Variants in APOBEC3H observed in about 807,000 individuals in gnomAD.
The protein encoded by APOBEC3H is apolipoprotein B mRNA editing enzyme catalytic subunit 3H.
Under a neutral mutation model 21.2 loss-of-function variants are expected in APOBEC3H, and 8 were observed. The ratio of observed to expected loss-of-function variants is 0.38; its 90% confidence interval spans 0.22 to 0.68. The LOEUF (loss-of-function observed/expected upper bound fraction) is 0.68. APOBEC3H is among the 30% of genes least tolerant of loss of function. APOBEC3H has a pLI of 0.52. For synonymous variants in APOBEC3H, 88 were observed against 91.0 expected (o/e 0.97, Z 0.19); for missense variants, 229 against 228.1 (o/e 1.00, Z -0.03).
rs187528570 is a variant in APOBEC3H, at chr22:39,098,965, G to A, written c.-7-1307G>A. Among the ~76,000 whole-genome samples, 195 of 152,242 alleles carry A rather than the reference G, an allele frequency of 1.3e-3. 1 individual carries two copies. Among genetic ancestry groups the A allele is most frequent in the Non-Finnish European group, 2.4e-3 (163 of 68,024 alleles). On this transcript the variant is annotated intron_variant, in intron 1 of 4. Coordinates refer to ENST00000442487, the MANE Select transcript of APOBEC3H (RefSeq NM_181773.5). ...TCCCAGCACTTTGGGAGGCCGAGGT[G>A]GGTGGATCACCTGAGGTCAAAGGAG...
chr22:39,101,809 C>T, intron 3 of APOBEC3H, 109 bp from the exon 4 acceptor site: 4 of 1,547,986 alleles, frequency 2.6e-6, no homozygotes, highest in Non-Finnish European at 1.8e-6. Context: ...ATTCCCCAGA[C>T]AGAGCAATGT....
At chr22:39,102,218 G>A (rs554784446) in intron 4 of APOBEC3H, among the ~76,000 whole-genome samples, 176 bp downstream of exon 4, 4 of 151,574 alleles carry the variant, frequency 2.6e-5, no homozygotes, top group East Asian at 1.9e-4. Flanking sequence ...GTGTGATCTC[G>A]GCTCAGTGCA....
chr22:39,101,627 GGT>G (rs1929347903), intron 3 of APOBEC3H, 123 bp downstream of exon 3: 1 of 274,658 alleles, frequency 3.6e-6, no homozygotes, highest in African/African-American at 6.0e-5. Flanking sequence ...GGTTGGAGGA[GGT>G]TGGCGGGGGG....
chr22:39,101,631 GGCGGGGGGTGGGGGCGGGTTGGAGGAGGT>G (rs1929348771), intron 3 of APOBEC3H, 127 bp downstream of exon 3: 2 of 269,204 alleles, frequency 7.4e-6, no homozygotes, highest in African/African-American at 7.1e-5. Context: ...GGAGGAGGTT[GGCGGGGGGTGGGGGCGGGTTGGAGGAGGT>G]TGGCGGGGGG....
intron 1 of APOBEC3H, among the ~76,000 whole-genome samples, chr22:39,099,801 G>T (rs766167218): frequency 6.6e-6 from 1 of 152,068 alleles, no homozygotes. Context: ...TCCTTCCCCT[G>T]CTCCACTGCA....
In APOBEC3H at chr22:39,102,726, GCA is replaced by G. The variant is rs201281825; in HGVS notation, c.543+687_543+688del. 2,543 of 570,424 alleles carry G rather than the reference GCA, an allele frequency of 4.5e-3. 39 individuals carry two copies. The highest frequency in any genetic ancestry group is 0.041 in the African/African-American group (2,179 of 53,172). The allele number at this position is 570,424 out of a possible 1,614,324, so 35.3% of individuals were successfully genotyped here. A position where few individuals can be genotyped will look rare whatever the true frequency, so the allele number is the denominator to read the frequency against. On this transcript the variant is annotated intron_variant, in intron 4 of 4. Transcript: ENST00000442487. ...CATATACAAAAATTAACTCGGCCAG[GCA>G]CAGTGGCTCACGCCTGTAGTCCCAG...
rs139297 is a variant in APOBEC3H, at chr22:39,101,399, G to T, written c.313G>T (p.Gly105Cys). ...FIKAHDHLNL[G>C]IFASRLYYHW... is the part of the protein sequence containing the mutation. Reference sequence around the variant, plus strand: ...CAAGGCTCACGACCATCTGAACCTGGGCATCTTCGCCTCCCGCCTGTACTA... The same window carrying T: ...CAAGGCTCACGACCATCTGAACCTGTGCATCTTCGCCTCCCGCCTGTACTA... The change falls in exon 3 of 5, where the codon GGC becomes TGC. Residue 105 changes from glycine to cysteine, a missense_variant. Transcript: ENST00000442487. 2 of 1,610,792 alleles carry T rather than the reference G, an allele frequency of 1.2e-6. No homozygotes were observed. Among genetic ancestry groups the T allele is most frequent in the Non-Finnish European group, 1.7e-6 (2 of 1,179,072 alleles).
At position 39,102,015 on chromosome 22, in the gene APOBEC3H, C is replaced by T. The variant is rs561074213; in HGVS notation, c.516C>T (p.Ala172=). 1 of 1,613,868 alleles carries T rather than the reference C, an allele frequency of 6.2e-7. No individual in the cohort carries two copies. Among genetic ancestry groups the T allele is most frequent in the African/African-American group, 1.3e-5 (1 of 74,946 alleles). The change falls in exon 4 of 5, where the codon GCC becomes GCT. Residue 172 remains alanine (A), a synonymous_variant. Coordinates refer to ENST00000442487, the MANE Select transcript of APOBEC3H (RefSeq NM_181773.5). Reference sequence around the variant, plus strand: ...AGGAGCTAGATAAAAACAGTCGAGCCATAAAGCGACGGCTTGAGAGGATAA... The same window carrying T: ...AGGAGCTAGATAAAAACAGTCGAGCTATAAAGCGACGGCTTGAGAGGATAA... ...MLEELDKNSR[A]IKRRLERIKQ...
chr22:39,101,836 A>C (rs1367346926), intron 3 of APOBEC3H, 82 bp from the exon 4 acceptor site: 19 of 1,597,996 alleles, frequency 1.2e-5, no homozygotes, highest in Non-Finnish European at 1.5e-5. Context: ...AGAGGAAGAG[A>C]AGAGAGGGGA....
chr22:39,098,625 T>C (rs1457549115), intron 1 of APOBEC3H, among the ~76,000 whole-genome samples: 2 of 152,200 alleles, frequency 1.3e-5, no homozygotes, highest in African/African-American at 4.8e-5. Flanking sequence ...GCAGAAATAC[T>C]GGGAGGATGG....
chr22:39,101,135 T>TGGG, intron 2 of APOBEC3H, 102 bp from the exon 3 acceptor site: 8 of 406,216 alleles, frequency 2.0e-5, no homozygotes, highest in Non-Finnish European at 3.7e-5. Context: ...CAGACCCCTC[T>TGGG]GCCCCCCCAT....
At position 39,100,265 on chromosome 22, in the gene APOBEC3H, T is replaced by C; in HGVS notation, c.-7-7T>C. ...TCATCTTTGGTTTTCCCCTTTCTGTTGCACAGAAACACGATGGCTCTGTTA... is the reference window on the plus strand; with the variant it reads ...TCATCTTTGGTTTTCCCCTTTCTGTCGCACAGAAACACGATGGCTCTGTTA... On this transcript the variant is annotated splice_region_variant and splice_polypyrimidine_tract_variant and intron_variant, in intron 1 of 4. Coordinates refer to ENST00000442487, the MANE Select transcript of APOBEC3H (RefSeq NM_181773.5). The C allele has an allele frequency of 1.9e-6, 3 of 1,607,688 alleles. No homozygotes were observed. Among genetic ancestry groups the C allele is most frequent in the East Asian group, 2.2e-5 (1 of 44,678 alleles).
In APOBEC3H at chr22:39,101,233, C is replaced by A. The variant is rs968016551; in HGVS notation, c.151-4C>A. ...CCCTTCTCTCTGTTTGGGACCCTCC[C>A]CAGAAAAAGTGCCATGCAGAAATTT... On this transcript the variant is annotated splice_polypyrimidine_tract_variant and splice_region_variant and intron_variant, in intron 2 of 4. Coordinates refer to ENST00000442487, the MANE Select transcript of APOBEC3H (RefSeq NM_181773.5). 2.5e-6 allele frequency: 4 copies of A among 1,611,218 alleles called. No individual in the cohort carries two copies. The highest frequency in any genetic ancestry group is 1.1e-5 in the South Asian group (1 of 90,986).
intron 1 of APOBEC3H, among the ~76,000 whole-genome samples, chr22:39,099,547 C>G (rs544101341): frequency 6.6e-6 from 1 of 152,206 alleles, no homozygotes; most frequent in Non-Finnish European, 1.5e-5. Context: ...ATCTGGGACT[C>G]AGGCCAGAGG....
chr22:39,101,840 G>C, intron 3 of APOBEC3H, 78 bp from the exon 4 acceptor site: 1 of 1,602,038 alleles, frequency 6.2e-7, no homozygotes, highest in South Asian at 1.1e-5. Flanking sequence ...GAAGAGAAGA[G>C]AGGGGAAAGG....
chr22:39,103,813 C>T lies in APOBEC3H; in HGVS notation c.*116C>T. 1 of 1,315,746 alleles carries T rather than the reference C, an allele frequency of 7.6e-7. No individual in the cohort carries two copies. The highest frequency in any genetic ancestry group is 1.1e-6 in the Non-Finnish European group (1 of 908,868). The allele number at this position is 1,315,746 out of a possible 1,614,324, so 81.5% of individuals were successfully genotyped here. A position where few individuals can be genotyped will look rare whatever the true frequency, so the allele number is the denominator to read the frequency against. On this transcript the variant is annotated 3_prime_UTR_variant, in exon 5 of 5. Coordinates refer to ENST00000442487, the MANE Select transcript of APOBEC3H (RefSeq NM_181773.5). ...CTGGGGCATGTCAGTTGCCTCATAGCCTGCTGGTCCTGTAAGCAAGCACTA... is the reference window on the plus strand; with the variant it reads ...CTGGGGCATGTCAGTTGCCTCATAGTCTGCTGGTCCTGTAAGCAAGCACTA...
intron 1 of APOBEC3H, among the ~76,000 whole-genome samples, chr22:39,099,681 A>G (rs988666275): frequency 6.6e-6 from 1 of 152,186 alleles, no homozygotes; most frequent in African/African-American, 2.4e-5. Flanking sequence ...ATCCCCATGC[A>G]AAGAGCCTCA....
chr22:39,101,859 G>C, intron 3 of APOBEC3H, 59 bp from the exon 4 acceptor site: 1 of 1,612,932 alleles, frequency 6.2e-7, no homozygotes, highest in Non-Finnish European at 8.5e-7. Context: ...GGAAGCAAGA[G>C]CTCCTGGCAC....
rs1369679542 is a variant in APOBEC3H at position 39,100,220 on chromosome 22, G to A, written c.-7-52G>A. ...TTGAAAAGTGGCTTGAGCCTGGGGTGACTCAAGAGGACGCTCCCTTCATCT... is the reference window on the plus strand; with the variant it reads ...TTGAAAAGTGGCTTGAGCCTGGGGTAACTCAAGAGGACGCTCCCTTCATCT... On this transcript the variant is annotated intron_variant, in intron 1 of 4. Coordinates refer to ENST00000442487, the MANE Select transcript of APOBEC3H (RefSeq NM_181773.5). 2.5e-6 allele frequency: 4 copies of A among 1,577,700 alleles called. No individual in the cohort carries two copies. In the African/African-American group the frequency reaches 5.4e-5, roughly 21 times the overall value.
Sources: allele counts gnomAD v4.1 joint callset (sites outside exome capture counted in the v4.1 genomes callset), GRCh38; gene constraint gnomAD v4.1.1; transcripts MANE v1.5; gene names NCBI Gene and HGNC (gene_info 2026-07-23, HGNC 2026-07-21).